The following TENM3 variants were observed in gnomAD, a reference collection of about 807,000 sequenced individuals.
TENM3 encodes the protein teneurin transmembrane protein 3, also known as teneurin-3.
Under a neutral mutation model 255.1 loss-of-function variants are expected in TENM3, and 63 were observed. The ratio of observed to expected loss-of-function variants is 0.25; its 90% CI spans 0.20 to 0.30. The LOEUF (loss-of-function observed/expected upper bound fraction) is 0.30. TENM3 is among the 10% of genes least tolerant of loss of function. The probability of loss-of-function intolerance (pLI) is 1.00; values close to 1 mark genes in which losing one functional copy is unlikely to be tolerated. For missense variants in TENM3, 2,929 were observed against 3,461.1 expected (o/e 0.85, Z 3.86); for synonymous variants, 1,306 against 1,322.3 (o/e 0.99, Z 0.27).
the TENM3 span, among the ~76,000 whole-genome samples, chr4:181,627,039 G>A: frequency 0.13 from 19,968 of 152,074 alleles, 1,398 homozygotes; most frequent in East Asian, 0.23. Flanking sequence ...AGGTTTCCCT[G>A]CAGGAGAAAC....
At chr4:181,529,574 C>T in the TENM3 span, among the ~76,000 whole-genome samples, 2 of 152,148 alleles carry the variant, frequency 1.3e-5, no homozygotes, top group Non-Finnish European at 1.5e-5. Flanking sequence ...GGTTGTTATT[C>T]ACCCCATTAT....
intron 3 of TENM3, among the ~76,000 whole-genome samples, chr4:182,551,282 C>A (rs59512368): frequency 0.19 from 27,901 of 150,038 alleles, 3,320 homozygotes; most frequent in African/African-American, 0.33. Flanking sequence ...CATAATAACA[C>A]GAAGATGATG....
the TENM3 span, among the ~76,000 whole-genome samples, chr4:181,714,245 G>A: frequency 6.6e-6 from 1 of 152,056 alleles, no homozygotes. Flanking sequence ...AGACCAATCT[G>A]GCCAACAGGG....
intron 1 of TENM3, among the ~76,000 whole-genome samples, chr4:182,245,444 A>G (rs937569403): frequency 6.6e-6 from 1 of 152,182 alleles, no homozygotes; most frequent in South Asian, 2.1e-4. Flanking sequence ...AGAAATTCCA[A>G]TTGAGATTGC....
chr4:182,309,589 G>T (rs1352252716), intron 1 of TENM3, among the ~76,000 whole-genome samples: 3 of 152,164 alleles, frequency 2.0e-5, no homozygotes, highest in Non-Finnish European at 4.4e-5. Context: ...CATTAGACAT[G>T]AAATCATTTT....
At chr4:182,342,509 G>A (rs1052995150) in intron 2 of TENM3, among the ~76,000 whole-genome samples, 3 of 152,084 alleles carry the variant, frequency 2.0e-5, no homozygotes, top group African/African-American at 4.8e-5. Context: ...ATTGGTATAA[G>A]GTGTCTTTTT....
chr4:181,603,458 A>C, the TENM3 span, among the ~76,000 whole-genome samples: 1 of 152,200 alleles, frequency 6.6e-6, no homozygotes, highest in East Asian at 1.9e-4. Context: ...CAGTCACATA[A>C]AAGAAAGAAA....
chr4:182,408,662 C>T lies in TENM3; in HGVS notation c.511+61733C>T, dbSNP rs146100584. Among the ~76,000 whole-genome samples the T allele has an allele frequency of 6.3e-3, 960 of 152,290 alleles. 10 individuals carry two copies. The highest frequency in any genetic ancestry group is 0.022 in the African/African-American group (903 of 41,554). On this transcript the variant is annotated intron_variant, in intron 3 of 27. Coordinates refer to ENST00000511685, the MANE Select transcript of TENM3 (RefSeq NM_001080477.4). ...AAAGAAAAAAATCAAATTTAACTAG[C>T]CTGATTGCAGAGTTTAAAATAAAGA... is the stretch of plus-strand genomic sequence containing the variant.
chr4:182,105,489 A>G, the TENM3 span, among the ~76,000 whole-genome samples: 2 of 152,188 alleles, frequency 1.3e-5, no homozygotes, highest in African/African-American at 4.8e-5. Flanking sequence ...AGGGACTCAC[A>G]GAGCTCACTG....
At chr4:181,719,721 T>C in the TENM3 span, among the ~76,000 whole-genome samples, 1 of 152,212 alleles carries the variant, frequency 6.6e-6, no homozygotes, top group African/African-American at 2.4e-5. Context: ...GGGGAGACAG[T>C]AGTATTTCCC....
chr4:182,240,214 TCTGTCA>T (rs1217968287), upstream of TENM3, among the ~76,000 whole-genome samples: 1 of 152,158 alleles, frequency 6.6e-6, no homozygotes, highest in Non-Finnish European at 1.5e-5. Flanking sequence ...GCCTATTTAG[TCTGTCA>T]CTGACTCTGA....
At chr4:182,715,281 G>A (rs1350524123) in intron 13 of TENM3, among the ~76,000 whole-genome samples, 1 of 152,132 alleles carries the variant, frequency 6.6e-6, no homozygotes, top group Non-Finnish European at 1.5e-5. Context: ...GTTAGGTTGT[G>A]TTTCCCTGCC....
At chr4:181,521,015 G>T in the TENM3 span, among the ~76,000 whole-genome samples, 1 of 152,148 alleles carries the variant, frequency 6.6e-6, no homozygotes, top group Non-Finnish European at 1.5e-5. Context: ...CCTCTGTTGC[G>T]TGTAGGTCTC....
At chr4:181,481,422 TTAAG>T in the TENM3 span, among the ~76,000 whole-genome samples, 5 of 152,160 alleles carry the variant, frequency 3.3e-5, no homozygotes, top group Non-Finnish European at 5.9e-5. Context: ...ATGAGGGTAT[TTAAG>T]TAATTCGTAA....
chr4:182,747,117 T>G (rs1762063814), intron 19 of TENM3, among the ~76,000 whole-genome samples: 3 of 152,044 alleles, frequency 2.0e-5, no homozygotes. Context: ...TAGGAACAGG[T>G]CATAGGAAGA....
At chr4:182,089,797 A>G in the TENM3 span, among the ~76,000 whole-genome samples, 1 of 152,172 alleles carries the variant, frequency 6.6e-6, no homozygotes, top group African/African-American at 2.4e-5. Flanking sequence ...ATTTTCATCA[A>G]TCACTGTTTT....
the TENM3 span, chr4:181,905,791 A>G: frequency 3.0e-6 from 1 of 338,194 alleles, no homozygotes; most frequent in Admixed American, 3.7e-5. Flanking sequence ...TGAAATGGCT[A>G]GAGAGAGTCT....
the TENM3 span, among the ~76,000 whole-genome samples, chr4:181,457,713 T>C: frequency 3.2e-4 from 31 of 98,206 alleles, no homozygotes; most frequent in African/African-American, 1.5e-3. Context: ...AGGTAGTCAA[T>C]TACAAAGAAA....
chr4:181,485,293 CT>C, the TENM3 span, among the ~76,000 whole-genome samples: 1 of 152,084 alleles, frequency 6.6e-6, no homozygotes, highest in Non-Finnish European at 1.5e-5. Context: ...TGGATTTTAA[CT>C]TGTCTGTAAC....
Sources: gnomAD v4.1 joint callset for allele counts (sites outside exome capture counted in the v4.1 genomes callset) on GRCh38, gnomAD v4.1.1 for gene constraint, MANE v1.5 for transcripts, NCBI Gene and HGNC (gene_info 2026-07-23, HGNC 2026-07-21) for gene names.